Variants in CHDH observed in about 807,000 individuals in gnomAD.
CHDH encodes choline dehydrogenase, also known as choline dehydrogenase, mitochondrial.
A neutral mutation model predicts 56.9 loss-of-function variants in CHDH; 43 were observed. The ratio of observed to expected loss-of-function variants is 0.76; its 90% CI spans 0.59 to 0.97. The LOEUF (loss-of-function observed/expected upper bound fraction) is 0.97, where lower values mean the gene tolerates loss of function less well. Ranked by LOEUF, CHDH falls within the 50% of genes least tolerant of loss-of-function variation. The probability of loss-of-function intolerance (pLI) is 0.00; values close to 1 mark genes in which losing one functional copy is unlikely to be tolerated. For synonymous variants in CHDH, 364 were observed against 348.5 expected (o/e 1.04, Z -0.50); for missense variants, 816 against 821.1 (o/e 0.99, Z 0.08).
At chr3:53,837,579 G>T (rs1238024645) in intron 2 of CHDH, among the ~76,000 whole-genome samples, 7 of 152,208 alleles carry the variant, frequency 4.6e-5, no homozygotes, top group Non-Finnish European at 1.0e-4. Flanking sequence ...CGATGCCTGT[G>T]GCTCCTCTGA....
At chr3:53,837,247 G>T (rs2106980986) in intron 2 of CHDH, among the ~76,000 whole-genome samples, 1 of 152,238 alleles carries the variant, frequency 6.6e-6, no homozygotes, top group Non-Finnish European at 1.5e-5. Flanking sequence ...CTCTTTCCAG[G>T]AATCTCATCT....
At position 53,819,003 on chromosome 3, in the gene CHDH, C is replaced by T; in HGVS notation, c.1301G>A (p.Trp434Ter). The T allele has an allele frequency of 1.2e-6, 2 of 1,614,006 alleles. No homozygotes were observed. The highest frequency in any genetic ancestry group is 8.5e-7 in the Non-Finnish European group (1 of 1,179,908). ...VGPMRGTSVG[W>*]LKLRSANPQD... The stretch of plus-strand genomic sequence containing the variant: ...GGGATTGGCACTTCTCAGTTTGAGC[C>T]AGCCCACACTCGTGCCCCGCATGGG... Residue 434 changes from tryptophan (W) to a stop codon, truncating the protein, a stop_gained, in exon 8 of 9, where the codon TGG becomes TAG. Coordinates refer to ENST00000315251, the MANE Select transcript of CHDH (RefSeq NM_018397.5). LOFTEE classifies it high-confidence loss of function. The surrounding 1 kb of genome is among the most constrained non-coding windows in gnomAD (Gnocchi z 5.4).
At chr3:53,827,464 A>C (rs2015498) in intron 2 of CHDH, among the ~76,000 whole-genome samples, 18,802 of 152,068 alleles carry the variant, frequency 0.12, 2,059 homozygotes, top group East Asian at 0.29. Context: ...AATGAGAGAA[A>C]AGACTAAATA....
intron 2 of CHDH, among the ~76,000 whole-genome samples, chr3:53,833,619 G>A (rs186978752): frequency 0.011 from 1,692 of 152,302 alleles, 26 homozygotes; most frequent in Middle Eastern, 0.02. Context: ...ATGTGTTGGG[G>A]TCGGAGTCCT....
rs186315620 is a variant in CHDH at position 53,842,782 on chromosome 3, C to A, written c.-130-1783G>T. Among the ~76,000 whole-genome samples the A allele has an allele frequency of 2.9e-3, 437 of 152,228 alleles. 3 individuals carry two copies. Among genetic ancestry groups the A allele is most frequent in the African/African-American group, 9.1e-3 (378 of 41,546 alleles). On this transcript the variant is annotated intron_variant, in intron 1 of 8. Transcript: ENST00000315251. Reference sequence around the variant, plus strand: ...CCCTCAGTGTGGCTTCAGGGTCTTTCCCTCAAAGCAGGCATTAAAATTGAC... The same window carrying A: ...CCCTCAGTGTGGCTTCAGGGTCTTTACCTCAAAGCAGGCATTAAAATTGAC...
Position 53,816,123 on chromosome 3 carries a change from G to T in CHDH, c.*1654C>A, listed in dbSNP as rs1265475569. 1 of 135,080 alleles carries T rather than the reference G, an allele frequency of 7.4e-6. No homozygotes were observed. The highest frequency in any genetic ancestry group is 2.9e-5 in the African/African-American group (1 of 34,242). The allele number at this position is 135,080 out of a possible 1,614,324, so 8.4% of individuals were successfully genotyped here. ...GTTTTTCTCAGAAAACTAACTTGTGGCTGTCGGACGCCCCCCCCCCCCGCC... is the reference window on the plus strand; with the variant it reads ...GTTTTTCTCAGAAAACTAACTTGTGTCTGTCGGACGCCCCCCCCCCCCGCC... On this transcript the variant is annotated 3_prime_UTR_variant, in exon 9 of 9. Coordinates refer to ENST00000315251, the MANE Select transcript of CHDH (RefSeq NM_018397.5).
intron 2 of CHDH, among the ~76,000 whole-genome samples, chr3:53,830,291 G>A (rs1423862791): frequency 1.3e-5 from 2 of 151,646 alleles, no homozygotes; most frequent in Admixed American, 1.3e-4. Context: ...AGAAACCCCA[G>A]ACAGCAGTGA....
At position 53,821,716 on chromosome 3, in the gene CHDH, TGA is replaced by T; in HGVS notation, c.914_915del (p.Leu305HisfsTer9). ...TCAGCATTCCCGATGCCAGAGAGCA[TGA>T]GCAGCTGTGGAGAGTTGATGGCACC... ...SGGAINSPQL[L>X]MLSGIGNADD... On this transcript the variant is annotated frameshift_variant, in exon 5 of 9. Transcript: ENST00000315251. LOFTEE classifies it high-confidence loss of function. The T allele has an allele frequency of 1.9e-6, 3 of 1,613,986 alleles. No homozygotes were observed. Among genetic ancestry groups the T allele is most frequent in the Non-Finnish European group, 2.5e-6 (3 of 1,179,938 alleles).
chr3:53,836,097 G>C (rs6807496), intron 2 of CHDH, among the ~76,000 whole-genome samples: 4,935 of 152,320 alleles, frequency 0.032, 285 homozygotes, highest in African/African-American at 0.11. Flanking sequence ...TGAATACCCA[G>C]CCCTGTGGTG....
chr3:53,815,747 C>T lies in CHDH; in HGVS notation c.*2030G>A, dbSNP rs2095614622. On this transcript the variant is annotated 3_prime_UTR_variant, in exon 9 of 9. Coordinates refer to ENST00000315251, the MANE Select transcript of CHDH (RefSeq NM_018397.5). The stretch of plus-strand genomic sequence containing the variant: ...CATACCTGTTCCAGAGAAGAAGGGT[C>T]AGCACAGTCATGGTTGGTCCAGGAC... The T allele has an allele frequency of 6.6e-6, 1 of 152,212 alleles. No individual in the cohort carries two copies. The highest frequency in any genetic ancestry group is 6.5e-5 in the Admixed American group (1 of 15,290). The allele number at this position is 152,212 out of a possible 1,614,324, so 9.4% of individuals were successfully genotyped here.
At chr3:53,831,879 C>T (rs1374727007) in intron 2 of CHDH, among the ~76,000 whole-genome samples, 1 of 150,878 alleles carries the variant, frequency 6.6e-6, no homozygotes, top group Admixed American at 6.6e-5. Context: ...ATCAGGATGG[C>T]TATAATAAAG....
In CHDH at chr3:53,813,952, T is replaced by TAA. The variant is rs769166299; in HGVS notation, c.*3823_*3824dup. ...CGTCAACTGGCAGCGAGAACCTCAC[T>TAA]AAGAACCATCTCTGCTCAGCCTATG... On this transcript the variant is annotated 3_prime_UTR_variant, in exon 9 of 9. Transcript: ENST00000315251. 2.0e-5 allele frequency: 3 copies of TAA among 152,238 alleles called. No homozygotes were observed. The highest frequency in any genetic ancestry group is 4.4e-5 in the Non-Finnish European group (3 of 68,042). The allele number at this position is 152,238 out of a possible 1,614,324, so 9.4% of individuals were successfully genotyped here. A position where few individuals can be genotyped will look rare whatever the true frequency, so the allele number is the denominator to read the frequency against.
intron 2 of CHDH, among the ~76,000 whole-genome samples, chr3:53,828,581 C>G (rs1462625543): frequency 1.3e-5 from 2 of 152,154 alleles, no homozygotes; most frequent in African/African-American, 2.4e-5. Flanking sequence ...TAAAGAATGG[C>G]CCAAAGACCT....
intron 2 of CHDH, among the ~76,000 whole-genome samples, chr3:53,825,945 A>C (rs1445883908): frequency 6.6e-6 from 1 of 152,062 alleles, no homozygotes; most frequent in South Asian, 2.1e-4. Flanking sequence ...AGAAAAAAAA[A>C]CCTCTAGTCC....
intron 2 of CHDH, among the ~76,000 whole-genome samples, chr3:53,825,882 C>A (rs2095638150): frequency 6.6e-6 from 1 of 151,832 alleles, no homozygotes; most frequent in Non-Finnish European, 1.5e-5. Context: ...CAGTAAAATT[C>A]TCAGAAAACA....
intron 1 of CHDH, among the ~76,000 whole-genome samples, chr3:53,845,554 G>T (rs1264923937): frequency 6.6e-6 from 1 of 152,114 alleles, no homozygotes; most frequent in African/African-American, 2.4e-5. Flanking sequence ...GCTGATTTTT[G>T]TGAACTTTCC....
rs2095613997 is a variant in CHDH, at chr3:53,815,365, C to CT, written c.*2411dup. 1 of 152,298 alleles carries CT rather than the reference C, an allele frequency of 6.6e-6. No individual in the cohort carries two copies. The highest frequency in any genetic ancestry group is 6.5e-5 in the Admixed American group (1 of 15,294). The allele number at this position is 152,298 out of a possible 1,614,324, so 9.4% of individuals were successfully genotyped here. A position where few individuals can be genotyped will look rare whatever the true frequency, so the allele number is the denominator to read the frequency against. Reference sequence around the variant, plus strand: ...ACCCCACTTTGTAGCAAGTGCCTTTCTCCCCCATGCTGGCTTCCTCAGGTG... The same window carrying CT: ...ACCCCACTTTGTAGCAAGTGCCTTTCTTCCCCCATGCTGGCTTCCTCAGGTG... On this transcript the variant is annotated 3_prime_UTR_variant, in exon 9 of 9. Coordinates refer to ENST00000315251, the MANE Select transcript of CHDH (RefSeq NM_018397.5).
chr3:53,830,945 G>A (rs554904144), intron 2 of CHDH, among the ~76,000 whole-genome samples: 1 of 152,248 alleles, frequency 6.6e-6, no homozygotes, highest in African/African-American at 2.4e-5. Context: ...CACAGTGGAG[G>A]AGAGCACCAA....
At position 53,842,154 on chromosome 3, in the gene CHDH, A is replaced by G. The variant is rs112276349; in HGVS notation, c.-130-1155T>C. ...AAAAAAAAGAAAAAAGAAAAAAAGAAAAGCGCAAAGCTAAAACCAAACCAC... is the reference window on the plus strand; with the variant it reads ...AAAAAAAAGAAAAAAGAAAAAAAGAGAAGCGCAAAGCTAAAACCAAACCAC... On this transcript the variant is annotated intron_variant, in intron 1 of 8. Coordinates refer to ENST00000315251, the MANE Select transcript of CHDH (RefSeq NM_018397.5). Among the ~76,000 whole-genome samples the G allele has an allele frequency of 7.0e-3, 1,065 of 152,112 alleles. 12 individuals carry two copies. Among genetic ancestry groups the G allele is most frequent in the Admixed American group, 0.012 (179 of 15,256 alleles).
Sources: allele counts gnomAD v4.1 joint callset (sites outside exome capture counted in the v4.1 genomes callset), GRCh38; gene constraint gnomAD v4.1.1; non-coding constraint Gnocchi (gnomAD v3.1); transcripts MANE v1.5; gene names NCBI Gene and HGNC (gene_info 2026-07-23, HGNC 2026-07-21).